Variants in CHMP3 observed in about 807,000 individuals in gnomAD.
CHMP3 encodes the protein charged multivesicular body protein 3.
Under a neutral mutation model 27.4 loss-of-function variants are expected in CHMP3, and 8 were observed. The observed-to-expected ratio is 0.29, with a 90% CI of 0.17 to 0.53. CHMP3 has a LOEUF of 0.53. Among genes scored for constraint, CHMP3 ranks in the 20% least tolerant of loss-of-function variants. The pLI, the probability that CHMP3 is intolerant of heterozygous loss-of-function variation, is 0.96. For missense variants in CHMP3, 208 were observed against 271.5 expected, an observed-to-expected ratio of 0.77 and a Z score of 1.64; for synonymous variants, 86 against 85.5, an observed-to-expected ratio of 1.01 and a Z score of -0.03.
At chr2:86,553,571 C>T (rs966448028) in intron 1 of CHMP3, among the ~76,000 whole-genome samples, 4 of 152,156 alleles carry the variant, frequency 2.6e-5, no homozygotes, top group Non-Finnish European at 4.4e-5. Flanking sequence ...ACCTCATGTT[C>T]CACCCGCCTC....
intron 3 of CHMP3, among the ~76,000 whole-genome samples, chr2:86,518,325 A>G (rs1413509335): frequency 2.0e-5 from 3 of 152,212 alleles, no homozygotes; most frequent in Non-Finnish European, 2.9e-5. Context: ...GATAAAAATC[A>G]TAAGAAAAAG....
intron 1 of CHMP3, among the ~76,000 whole-genome samples, chr2:86,549,916 TTC>T (rs1297468088): frequency 2.7e-5 from 4 of 149,856 alleles, no homozygotes; most frequent in African/African-American, 9.9e-5. Flanking sequence ...GCAGAGGCGC[TTC>T]TCACTTCCCA....
chr2:86,542,398 T>G, intron 1 of CHMP3, 86 bp from the exon 2 acceptor site: 1 of 1,267,508 alleles, frequency 7.9e-7, no homozygotes, highest in Non-Finnish European at 1.1e-6. Flanking sequence ...TAACTCCACA[T>G]TTATTACAGA....
At chr2:86,534,053 T>C (rs1421210065) in intron 2 of CHMP3, among the ~76,000 whole-genome samples, 6 of 152,198 alleles carry the variant, frequency 3.9e-5, no homozygotes, top group Non-Finnish European at 8.8e-5. Flanking sequence ...ATACCTTATA[T>C]ATCTTTTAAA....
chr2:86,508,255 T>C (rs994858730), intron 4 of CHMP3, among the ~76,000 whole-genome samples: 5 of 152,154 alleles, frequency 3.3e-5, no homozygotes, highest in Non-Finnish European at 5.9e-5. Flanking sequence ...AGCCAGCCAG[T>C]CAGCCTCCTC....
chr2:86,508,822 C>T (rs547097669), intron 4 of CHMP3, among the ~76,000 whole-genome samples: 1 of 152,276 alleles, frequency 6.6e-6, no homozygotes, highest in Admixed American at 6.5e-5. Context: ...TCATGTTCAC[C>T]CAGGTGAAAC....
rs949677446 is a variant in CHMP3 at position 86,540,433 on chromosome 2, C to G, written c.106+1819G>C. Among the ~76,000 whole-genome samples, 4 of 151,950 alleles carry G rather than the reference C, an allele frequency of 2.6e-5. No homozygotes were observed. In the Middle Eastern group the frequency reaches 9.5e-3, roughly 361 times the overall value. ...ATCTCTTATCCAACATGCTTGGGAC[C>G]AAATGTCTTTCAGGCTTTAGATTTT... is the stretch of plus-strand genomic sequence containing the variant. On this transcript the variant is annotated intron_variant, in intron 2 of 5. Coordinates refer to ENST00000263856, the MANE Select transcript of CHMP3 (RefSeq NM_016079.4).
intron 2 of CHMP3, among the ~76,000 whole-genome samples, chr2:86,539,354 CTA>C (rs1209559270): frequency 3.9e-5 from 6 of 152,208 alleles, no homozygotes; most frequent in Middle Eastern, 6.8e-3. Flanking sequence ...CACAACAATT[CTA>C]TGAGATTCAA....
chr2:86,549,934 T>C (rs1007956016), intron 1 of CHMP3, among the ~76,000 whole-genome samples: 5 of 139,074 alleles, frequency 3.6e-5, no homozygotes, highest in African/African-American at 8.2e-5. Context: ...TCCCAGACAA[T>C]GGGCGGCTGG....
chr2:86,542,334 G>C, intron 1 of CHMP3, 22 bp from the exon 2 acceptor site: 1 of 1,611,106 alleles, frequency 6.2e-7, no homozygotes, highest in Non-Finnish European at 8.5e-7. Flanking sequence ...TTTAGAAAAG[G>C]AATGAGGAGA....
intron 1 of CHMP3, among the ~76,000 whole-genome samples, chr2:86,546,438 C>CTTTT (rs201399690): frequency 7.4e-6 from 1 of 136,026 alleles, no homozygotes; most frequent in Non-Finnish European, 1.6e-5. Flanking sequence ...TGAAGTTGGA[C>CTTTT]TTTTTTTTTT....
At chr2:86,519,566 G>C (rs183473630) in intron 3 of CHMP3, among the ~76,000 whole-genome samples, 1 of 152,092 alleles carries the variant, frequency 6.6e-6, no homozygotes, top group East Asian at 1.9e-4. Context: ...TATTTACAGA[G>C]TATAAAATAA....
intron 2 of CHMP3, among the ~76,000 whole-genome samples, chr2:86,530,723 T>C (rs1028468678): frequency 2.0e-5 from 3 of 152,218 alleles, no homozygotes; most frequent in African/African-American, 7.2e-5. Context: ...AATTCTATTT[T>C]TAATTTTTTG....
At chr2:86,529,116 G>T in intron 3 of CHMP3, 102 bp downstream of exon 3, 2 of 1,288,570 alleles carry the variant, frequency 1.6e-6, no homozygotes, top group Non-Finnish European at 2.0e-6. Context: ...AAAATACAAA[G>T]AATAAAAACC....
Position 86,504,898 on chromosome 2 carries a change from A to G in CHMP3, c.*906T>C, listed in dbSNP as rs2104734079. 6.6e-6 allele frequency: 1 copy of G among 152,314 alleles called. No homozygotes were observed. The highest frequency in any genetic ancestry group is 2.4e-5 in the African/African-American group (1 of 41,564). The allele number at this position is 152,314 out of a possible 1,614,324, so 9.4% of individuals were successfully genotyped here. A position where few individuals can be genotyped will look rare whatever the true frequency, so the allele number is the denominator to read the frequency against. ...AGAGCTCTGTAAACTCTCAACACATACAAAGTACTACTGCTGAAATGATTT... is the reference window on the plus strand; with the variant it reads ...AGAGCTCTGTAAACTCTCAACACATGCAAAGTACTACTGCTGAAATGATTT... On this transcript the variant is annotated 3_prime_UTR_variant, in exon 6 of 6. Transcript: ENST00000263856.
intron 3 of CHMP3, among the ~76,000 whole-genome samples, chr2:86,523,223 C>T (rs1391174117): frequency 6.6e-6 from 1 of 152,116 alleles, no homozygotes. Context: ...TTTTTGGCCC[C>T]AGGGCCTTCA....
In CHMP3 at chr2:86,549,784, G is replaced by A. The variant is rs1359994770; in HGVS notation, c.46-7472C>T. On this transcript the variant is annotated intron_variant, in intron 1 of 5. Coordinates refer to ENST00000263856, the MANE Select transcript of CHMP3 (RefSeq NM_016079.4). The stretch of plus-strand genomic sequence containing the variant: ...CAGAGGCGCTCCTCGCCTCCCAGAC[G>A]GGGCGGCCGGGCAGAGGTGCTCCTC... Among the ~76,000 whole-genome samples the A allele has an allele frequency of 1.5e-4, 22 of 150,320 alleles. 1 individual carries two copies. Among genetic ancestry groups the A allele is most frequent in the Admixed American group, 7.2e-4 (11 of 15,182 alleles).
chr2:86,562,453 T>C (rs764842986), intron 1 of CHMP3, among the ~76,000 whole-genome samples: 4 of 152,178 alleles, frequency 2.6e-5, no homozygotes, highest in Non-Finnish European at 5.9e-5. Context: ...TGGTTGGCAT[T>C]TGAGTAGCAA....
chr2:86,510,291 G>C, intron 4 of CHMP3, 67 bp downstream of exon 4: 8 of 971,218 alleles, frequency 8.2e-6, no homozygotes, highest in Non-Finnish European at 1.1e-5. Context: ...CTCATCCCTA[G>C]CCCCCTGTTA....
Sources: gnomAD v4.1 joint callset for allele counts (sites outside exome capture counted in the v4.1 genomes callset) on GRCh38, gnomAD v4.1.1 for gene constraint, MANE v1.5 for transcripts, NCBI Gene and HGNC (gene_info 2026-07-23, HGNC 2026-07-21) for gene names.